The following DPYD variants were observed in gnomAD, a reference collection of about 807,000 sequenced individuals.
DPYD encodes dihydropyrimidine dehydrogenase.
A neutral mutation model predicts 116.2 loss-of-function variants in DPYD; 109 were observed. The observed-to-expected ratio is 0.94, with a 90% CI of 0.80 to 1.10. DPYD has a LOEUF of 1.10. Ranked by LOEUF, DPYD falls within the 50% of genes least tolerant of loss-of-function variation. The probability of loss-of-function intolerance (pLI) is 0.00; values close to 1 mark genes in which losing one functional copy is unlikely to be tolerated. For synonymous variants in DPYD, 440 were observed against 432.0 expected, an observed-to-expected ratio of 1.02 and a Z score of -0.23; for missense variants, 1,302 against 1,254.5, an observed-to-expected ratio of 1.04 and a Z score of -0.57.
chr1:97,420,402 T>C (rs1216059716), intron 14 of DPYD, among the ~76,000 whole-genome samples: 1 of 152,172 alleles, frequency 6.6e-6, no homozygotes, highest in African/African-American at 2.4e-5. Context: ...TTTTTTTACC[T>C]TGCCATGTTC....
intron 3 of DPYD, chr1:97,796,880 T>A (rs1382883316): frequency 6.6e-6 from 1 of 152,106 alleles, no homozygotes; most frequent in Admixed American, 6.6e-5. Context: ...TTGGTAACAG[T>A]ATTATGCTAC....
intron 8 of DPYD, among the ~76,000 whole-genome samples, chr1:97,615,532 C>T (rs898208008): frequency 4.6e-5 from 7 of 152,128 alleles, no homozygotes; most frequent in African/African-American, 1.7e-4. Flanking sequence ...TTCATTTCTA[C>T]AATCACCAAA....
At chr1:97,384,330 GT>G (rs1672180792) in intron 14 of DPYD, among the ~76,000 whole-genome samples, 1 of 150,756 alleles carries the variant, frequency 6.6e-6, no homozygotes, top group Non-Finnish European at 1.5e-5. Flanking sequence ...ATTGGAGAGA[GT>G]TCTAAAAACC....
At chr1:97,553,449 T>C (rs7549384) in intron 11 of DPYD, among the ~76,000 whole-genome samples, 1,853 of 152,134 alleles carry the variant, frequency 0.012, 33 homozygotes, top group African/African-American at 0.042. Context: ...TTCTATGAAC[T>C]CCTCAGAGCT....
intron 3 of DPYD, among the ~76,000 whole-genome samples, chr1:97,788,056 C>T (rs966232554): frequency 6.6e-6 from 1 of 152,168 alleles, no homozygotes; most frequent in African/African-American, 2.4e-5. Flanking sequence ...CCTCCCATCC[C>T]TGTATGTCCG....
chr1:97,248,830 A>C (rs551078728), intron 18 of DPYD, among the ~76,000 whole-genome samples: 1 of 152,304 alleles, frequency 6.6e-6, no homozygotes, highest in East Asian at 1.9e-4. Context: ...AAGCAATTAG[A>C]AAGTTAAAAA....
intron 20 of DPYD, among the ~76,000 whole-genome samples, chr1:97,185,040 A>G (rs144884799): frequency 2.0e-5 from 3 of 152,294 alleles, no homozygotes; most frequent in East Asian, 3.9e-4. Flanking sequence ...GTTTCCTTCT[A>G]TTAATGAATT....
chr1:97,664,314 G>A (rs943663186), intron 8 of DPYD, among the ~76,000 whole-genome samples: 12 of 151,934 alleles, frequency 7.9e-5, no homozygotes, highest in Admixed American at 3.9e-4. Context: ...GTGTGTGTAT[G>A]TGCATATATA....
intron 8 of DPYD, among the ~76,000 whole-genome samples, chr1:97,643,304 C>A (rs1658046620): frequency 6.6e-6 from 1 of 152,084 alleles, no homozygotes; most frequent in Non-Finnish European, 1.5e-5. Flanking sequence ...CAAAAGAAGA[C>A]ATTTATGTGG....
chr1:97,691,919 T>C, intron 6 of DPYD, 121 bp from the exon 7 acceptor site: 1 of 760,524 alleles, frequency 1.3e-6, no homozygotes, highest in South Asian at 1.5e-5. Flanking sequence ...CTTCCAAGGA[T>C]ATTTATATAT....
At chr1:97,487,771 A>T (rs573034871) in intron 13 of DPYD, among the ~76,000 whole-genome samples, 98 of 152,358 alleles carry the variant, frequency 6.4e-4, no homozygotes, top group African/African-American at 2.2e-3. Flanking sequence ...AAGTGACCAT[A>T]TTAAGTACTG....
At chr1:97,220,671 T>A (rs1320155276) in intron 19 of DPYD, among the ~76,000 whole-genome samples, 1 of 152,202 alleles carries the variant, frequency 6.6e-6, no homozygotes, top group African/African-American at 2.4e-5. Flanking sequence ...CAAATGTAAC[T>A]AAGATAAACT....
At position 97,650,631 on chromosome 1, in the gene DPYD, G is replaced by C. The variant is rs181138409; in HGVS notation, c.850+28464C>G. Among the ~76,000 whole-genome samples, 588 of 152,170 alleles carry C rather than the reference G, an allele frequency of 3.9e-3. 13 individuals are homozygous for C. Among genetic ancestry groups the C allele is most frequent in the South Asian group, 9.3e-3 (45 of 4,818 alleles). On this transcript the variant is annotated intron_variant, in intron 8 of 22. Transcript: ENST00000370192. ...AATTACAACACCCAACTTCACAAAA[G>C]GGCATTTTAGAGGCAAGTTAAACAA...
chr1:97,096,194 A>AT lies in DPYD; in HGVS notation c.2766+2294dup, dbSNP rs199788830. On this transcript the variant is annotated intron_variant, in intron 21 of 22. Coordinates refer to ENST00000370192, the MANE Select transcript of DPYD (RefSeq NM_000110.4). ...ATTCTTTGGTTTAATTCTGACTTTGATTTTTTTTTGATTAATGATCTACAG... is the reference window on the plus strand; with the variant it reads ...ATTCTTTGGTTTAATTCTGACTTTGATTTTTTTTTTGATTAATGATCTACAG... Among the ~76,000 whole-genome samples the AT allele has an allele frequency of 2.6e-3, 397 of 151,392 alleles. 14 individuals carry two copies. The East Asian group carries it at 0.065, about 25-fold the overall frequency.
intron 1 of DPYD, among the ~76,000 whole-genome samples, chr1:97,913,421 A>G (rs1354850988): frequency 6.6e-6 from 1 of 152,142 alleles, no homozygotes; most frequent in Non-Finnish European, 1.5e-5. Flanking sequence ...TAAAAGACTG[A>G]TCAACAGCAA....
intron 16 of DPYD, among the ~76,000 whole-genome samples, chr1:97,332,044 G>A (rs908079154): frequency 2.0e-5 from 3 of 152,158 alleles, no homozygotes; most frequent in African/African-American, 7.2e-5. Flanking sequence ...CATCTGAGAT[G>A]CTATTAGTTG....
intron 18 of DPYD, among the ~76,000 whole-genome samples, chr1:97,267,416 C>T (rs1164831473): frequency 6.6e-6 from 1 of 152,036 alleles, no homozygotes; most frequent in African/African-American, 2.4e-5. Context: ...AGATTCATTT[C>T]TTACAGTTTC....
At chr1:97,630,488 T>C (rs375695674) in intron 8 of DPYD, among the ~76,000 whole-genome samples, 5 of 152,206 alleles carry the variant, frequency 3.3e-5, no homozygotes, top group Admixed American at 1.3e-4. Flanking sequence ...TCTGCCAGTG[T>C]TGTCTTTCCT....
intron 5 of DPYD, among the ~76,000 whole-genome samples, chr1:97,699,977 G>A (rs1206397351): frequency 6.6e-6 from 1 of 152,008 alleles, no homozygotes; most frequent in Non-Finnish European, 1.5e-5. Context: ...GCATTGCGAT[G>A]GCACACGGTA....
Sources: gnomAD v4.1 joint callset for allele counts (sites outside exome capture counted in the v4.1 genomes callset) on GRCh38, gnomAD v4.1.1 for gene constraint, MANE v1.5 for transcripts, NCBI Gene and HGNC (gene_info 2026-07-23, HGNC 2026-07-21) for gene names.